The following LMNA variants were observed in gnomAD, a reference collection of about 807,000 sequenced individuals.
LMNA encodes lamin.
A neutral mutation model predicts 70.4 loss-of-function variants in LMNA; 20 were observed. That is an observed-to-expected ratio of 0.28 (90% CI 0.20 to 0.41). LMNA has a LOEUF of 0.41. LMNA is among the 10% of genes least tolerant of loss of function. The pLI is 1.00. For synonymous variants in LMNA, 339 were observed against 372.8 expected (o/e 0.91, Z 1.04); for missense variants, 652 against 917.2 (o/e 0.71, Z 3.73).
chr1:156,085,343 C>T (rs984776550), intron 2 of LMNA, among the ~76,000 whole-genome samples: 1 of 152,198 alleles, frequency 6.6e-6, no homozygotes, highest in Non-Finnish European at 1.5e-5. Flanking sequence ...TCAGGAGACC[C>T]CCTCCCTCAA....
At chr1:156,084,997 G>A (rs1436199119) in intron 2 of LMNA, among the ~76,000 whole-genome samples, 1 of 152,216 alleles carries the variant, frequency 6.6e-6, no homozygotes, top group Non-Finnish European at 1.5e-5. Context: ...GGGTGGGCGA[G>A]GCAGGGTCCC....
Position 156,114,776 on chromosome 1 carries a change from C to G in LMNA, c.-143C>G, listed in dbSNP as rs1466382237. ...ATCCCGAGGTCCGACAGCGCCCGGC[C>G]CAGATCCCCACGCCTGCCAGGAGCA... On this transcript the variant is annotated 5_prime_UTR_variant, in exon 1 of 12. Transcript: ENST00000368300. 1.6e-6 allele frequency: 1 copy of G among 633,344 alleles called. No homozygotes were observed. Among genetic ancestry groups the G allele is most frequent in the Non-Finnish European group, 2.7e-6 (1 of 376,810 alleles). 39.2% of individuals were successfully genotyped at this position (633,344 alleles called of 1,614,324 possible).
At chr1:156,094,543 T>C (rs1648840262) in intron 3 of LMNA, among the ~76,000 whole-genome samples, 1 of 152,056 alleles carries the variant, frequency 6.6e-6, no homozygotes, top group Non-Finnish European at 1.5e-5. Context: ...TTTACCATAT[T>C]GGCCAGGGCT....
Position 156,137,034 on chromosome 1 carries a change from T to G in LMNA, c.1488+6T>G, listed in dbSNP as rs369642101. 1.2e-5 allele frequency: 20 copies of G among 1,613,916 alleles called. No homozygotes were observed. In the African/African-American group the frequency reaches 1.9e-4, roughly 15 times the overall value. ...AGGCTGGGCAGGTGGTGACGGTGAG[T>G]GGCAGGGCGCTTGGGACTCTGGGGA... On this transcript the variant is annotated splice_donor_region_variant and intron_variant, in intron 8 of 11. Coordinates refer to ENST00000368300, the MANE Select transcript of LMNA (RefSeq NM_170707.4). The surrounding 1 kb of genome is among the most constrained non-coding windows in gnomAD (Gnocchi z 4.6).
At position 156,134,290 on chromosome 1, in the gene LMNA, G is replaced by A; in HGVS notation, c.514-113G>A. The A allele has an allele frequency of 8.2e-7, 1 of 1,215,394 alleles. No homozygotes were observed. Among genetic ancestry groups the A allele is most frequent in the African/African-American group, 1.5e-5 (1 of 66,622 alleles). 75.3% of individuals were successfully genotyped at this position (1,215,394 alleles called of 1,614,324 possible). A position where few individuals can be genotyped will look rare whatever the true frequency, so the allele number is the denominator to read the frequency against. On this transcript the variant is annotated intron_variant, in intron 2 of 11. Transcript: ENST00000368300. This position sits in a 1 kb window ranked among gnomAD's most constrained non-coding sequence, Gnocchi z 5.3. Reference sequence around the variant, plus strand: ...AGGCATCCAAGGCCCTCCTTCCCTGGACCTGTTTCCACATGTGTGAAGGGG... The same window carrying A: ...AGGCATCCAAGGCCCTCCTTCCCTGAACCTGTTTCCACATGTGTGAAGGGG...
At chr1:156,109,683 G>T (rs549593077), upstream of LMNA, 1 of 152,258 alleles carries the variant, frequency 6.6e-6, no homozygotes, top group East Asian at 1.9e-4. Flanking sequence ...AACCCATGAG[G>T]TTGTTGTATG....
At position 156,114,906 on chromosome 1, in the gene LMNA, C is replaced by A; in HGVS notation, c.-13C>A. 2 of 1,532,810 alleles carry A rather than the reference C, an allele frequency of 1.3e-6. No homozygotes were observed. Among genetic ancestry groups the A allele is most frequent in the South Asian group, 2.4e-5 (2 of 82,024 alleles). The allele number at this position is 1,532,810 out of a possible 1,614,324, so 95.0% of individuals were successfully genotyped here. A position where few individuals can be genotyped will look rare whatever the true frequency, so the allele number is the denominator to read the frequency against. ...ACCCCTGCCCCGCGGGCAGCGCTGC[C>A]AACCTGCCGGCCATGGAGACCCCGT... On this transcript the variant is annotated 5_prime_UTR_variant, in exon 1 of 12. Transcript: ENST00000368300.
At chr1:156,123,826 A>G (rs574176389) in intron 1 of LMNA, among the ~76,000 whole-genome samples, 14 of 152,288 alleles carry the variant, frequency 9.2e-5, no homozygotes, top group Admixed American at 2.6e-4. Context: ...GCCTCTGTAC[A>G]ATGCCACGTT....
At chr1:156,109,302 A>T (rs1649453840), upstream of LMNA, among the ~76,000 whole-genome samples, 1 of 151,938 alleles carries the variant, frequency 6.6e-6, no homozygotes, top group Admixed American at 6.6e-5. Context: ...CTCTTTCTTC[A>T]CTGGTCTTGA....
At chr1:156,094,325 G>A (rs1167154081) in intron 3 of LMNA, among the ~76,000 whole-genome samples, 3 of 152,166 alleles carry the variant, frequency 2.0e-5, no homozygotes, top group Non-Finnish European at 4.4e-5. Flanking sequence ...TCAGACCTGA[G>A]CTGAAGTGGA....
At position 156,134,097 on chromosome 1, in the gene LMNA, AC is replaced by A. The variant is rs1651313094; in HGVS notation, c.514-304del. The stretch of plus-strand genomic sequence containing the variant: ...AGTAGTGCGATCTCGGCTCACTGCA[AC>A]CTCCACCTCCTGGATTCAAGCGATT... On this transcript the variant is annotated intron_variant, in intron 2 of 11. Coordinates refer to ENST00000368300, the MANE Select transcript of LMNA (RefSeq NM_170707.4). This position sits in a 1 kb window ranked among gnomAD's most constrained non-coding sequence, Gnocchi z 5.3. Among the ~76,000 whole-genome samples the A allele has an allele frequency of 6.6e-6, 1 of 151,848 alleles. No individual in the cohort carries two copies. The highest frequency in any genetic ancestry group is 1.5e-5 in the Non-Finnish European group (1 of 67,976).
chr1:156,109,796 GTA>G (rs140674536), upstream of LMNA: 5 of 109,822 alleles, frequency 4.6e-5, no homozygotes, highest in Admixed American at 8.1e-5. Flanking sequence ...ATGCATGTAT[GTA>G]TGTGTGTGTG....
At chr1:156,085,202 T>C (rs1648431473) in intron 2 of LMNA, among the ~76,000 whole-genome samples, 1 of 152,180 alleles carries the variant, frequency 6.6e-6, no homozygotes, top group African/African-American at 2.4e-5. Context: ...TGTGAGAGTG[T>C]GTGCTGCAGA....
chr1:156,138,836 G>C lies in LMNA; in HGVS notation c.1968+79G>C, dbSNP rs1226572002. ...AGGGGTAGGACGAGGTGGCCTTGCA[G>C]GGGGGAGAGCCTGCCTTCTCTTCCG... On this transcript the variant is annotated intron_variant, in intron 11 of 11. Transcript: ENST00000368300. This position sits in a 1 kb window ranked among gnomAD's most constrained non-coding sequence, Gnocchi z 5.5. 2 of 1,580,950 alleles carry C rather than the reference G, an allele frequency of 1.3e-6. No individual in the cohort carries two copies. Among genetic ancestry groups the C allele is most frequent in the Non-Finnish European group, 1.7e-6 (2 of 1,154,864 alleles).
chr1:156,116,920 C>T (rs776515627), intron 1 of LMNA, among the ~76,000 whole-genome samples: 4 of 151,128 alleles, frequency 2.6e-5, no homozygotes, highest in South Asian at 2.1e-4. Context: ...ACAGGCTTAA[C>T]GGTTTTTTTT....
Position 156,139,138 on chromosome 1 carries a change from A to G in LMNA, c.*32A>G. On this transcript the variant is annotated 3_prime_UTR_variant, in exon 12 of 12. Transcript: ENST00000368300. ...ACCTGCCAGGCAGGGGTGGGGGTGG[A>G]GGCTTCCTGCGTCCTCCTCACCTCA... is the stretch of plus-strand genomic sequence containing the variant. 6.2e-7 allele frequency: 1 copy of G among 1,613,398 alleles called. No individual in the cohort carries two copies. Among genetic ancestry groups the G allele is most frequent in the Non-Finnish European group, 8.5e-7 (1 of 1,179,860 alleles).
chr1:156,134,256 G>C lies in LMNA; in HGVS notation c.514-147G>C. On this transcript the variant is annotated intron_variant, in intron 2 of 11. Coordinates refer to ENST00000368300, the MANE Select transcript of LMNA (RefSeq NM_170707.4). This position sits in a 1 kb window ranked among gnomAD's most constrained non-coding sequence, Gnocchi z 5.3. Reference sequence around the variant, plus strand: ...CCAAGAGTGAGTGAGTAGATGTCCTGACCCCTGCAGGCATCCAAGGCCCTC... The same window carrying C: ...CCAAGAGTGAGTGAGTAGATGTCCTCACCCCTGCAGGCATCCAAGGCCCTC... 1 of 807,002 alleles carries C rather than the reference G, an allele frequency of 1.2e-6. No individual in the cohort carries two copies. Among genetic ancestry groups the C allele is most frequent in the East Asian group, 2.7e-5 (1 of 37,130 alleles). The allele number at this position is 807,002 out of a possible 1,614,324, so 50.0% of individuals were successfully genotyped here.
rs1210382252 is a variant in LMNA at position 156,135,118 on chromosome 1, G to A, written c.811-69G>A. 6.2e-7 allele frequency: 1 copy of A among 1,612,456 alleles called. No homozygotes were observed. Among genetic ancestry groups the A allele is most frequent in the Non-Finnish European group, 8.5e-7 (1 of 1,179,082 alleles). On this transcript the variant is annotated intron_variant, in intron 4 of 11. Transcript: ENST00000368300. The surrounding 1 kb of genome is among the most constrained non-coding windows in gnomAD (Gnocchi z 4.8). ...CAGGACCTGGGGCTGTAGCAGTGAT[G>A]CCCAACTCAGGCCTGTGCCTCCACC...
At chr1:156,104,360 G>A (rs930695022) in intron 3 of LMNA, among the ~76,000 whole-genome samples, 1 of 152,142 alleles carries the variant, frequency 6.6e-6, no homozygotes, top group Non-Finnish European at 1.5e-5. Flanking sequence ...GTAAATATTT[G>A]CCCCAACAGG....
Sources: gnomAD v4.1 joint callset for allele counts (sites outside exome capture counted in the v4.1 genomes callset) on GRCh38, gnomAD v4.1.1 for gene constraint, Gnocchi (gnomAD v3.1) non-coding constraint, MANE v1.5 for transcripts, NCBI Gene and HGNC (gene_info 2026-07-23, HGNC 2026-07-21) for gene names.